The following ADAMTS8 variants were observed in gnomAD, a reference collection of about 807,000 sequenced individuals.
ADAMTS8 encodes ADAM metallopeptidase with thrombospondin type 1 motif 8.
A neutral mutation model predicts 64.4 loss-of-function variants in ADAMTS8; 50 were observed. That is an observed-to-expected ratio of 0.78 (90% CI 0.62 to 0.98). ADAMTS8 has a LOEUF of 0.98. Among genes scored for constraint, ADAMTS8 ranks in the 50% least tolerant of loss-of-function variants. The pLI is 0.00. For missense variants in ADAMTS8, 1,192 were observed against 1,208.2 expected (o/e 0.99, Z 0.20); for synonymous variants, 556 against 533.6 (o/e 1.04, Z -0.58).
chr11:130,408,945 A>G lies in ADAMTS8; in HGVS notation c.1751-5T>C, dbSNP rs1285399801. ...GCTGCTCCCTGAAGCTTTTCCCTAG[A>G]AAGAGGAAGAAACGGCATGGAGGTG... On this transcript the variant is annotated splice_region_variant and splice_polypyrimidine_tract_variant and intron_variant, in intron 6 of 8. Transcript: ENST00000257359. The G allele has an allele frequency of 5.9e-6, 9 of 1,522,290 alleles. No homozygotes were observed. Among genetic ancestry groups the G allele is most frequent in the Non-Finnish European group, 7.1e-6 (8 of 1,134,682 alleles). The allele number at this position is 1,522,290 out of a possible 1,614,324, so 94.3% of individuals were successfully genotyped here.
chr11:130,408,038 C>A (rs1185299654), intron 8 of ADAMTS8, among the ~76,000 whole-genome samples: 1 of 152,078 alleles, frequency 6.6e-6, no homozygotes, highest in Non-Finnish European at 1.5e-5. Flanking sequence ...CTCTGAAGAT[C>A]CATCTGCAGA....
intron 5 of ADAMTS8, among the ~76,000 whole-genome samples, chr11:130,412,370 C>T (rs6590457): frequency 0.044 from 6,631 of 152,116 alleles, 258 homozygotes; most frequent in African/African-American, 0.11. Flanking sequence ...CACACCTCCA[C>T]GCCTGGCTAA....
At chr11:130,418,611 G>T (rs891255798) in intron 2 of ADAMTS8, among the ~76,000 whole-genome samples, 1 of 152,228 alleles carries the variant, frequency 6.6e-6, no homozygotes. Context: ...ACACAGGATC[G>T]CTCTCTTGCT....
chr11:130,428,385 A>C lies in ADAMTS8; in HGVS notation c.-99T>G. On this transcript the variant is annotated 5_prime_UTR_variant, in exon 1 of 9. Coordinates refer to ENST00000257359, the MANE Select transcript of ADAMTS8 (RefSeq NM_007037.6). ...GCGCGGCCCGGCCGCTCTCTCCAGG[A>C]AAAGCGGAATCAATCGGGTGCAAGG... 1.7e-6 allele frequency: 2 copies of C among 1,191,072 alleles called. No homozygotes were observed. The highest frequency in any genetic ancestry group is 1.0e-6 in the Non-Finnish European group (1 of 953,628). The allele number at this position is 1,191,072 out of a possible 1,614,324, so 73.8% of individuals were successfully genotyped here. A position where few individuals can be genotyped will look rare whatever the true frequency, so the allele number is the denominator to read the frequency against.
At chr11:130,419,322 G>A (rs1352296406) in intron 1 of ADAMTS8, 30 bp from the exon 2 acceptor site, 3 of 1,613,134 alleles carry the variant, frequency 1.9e-6, no homozygotes, top group Non-Finnish European at 2.5e-6. Context: ...AAGAGGCGGA[G>A]TGAAGGGTTA....
rs1173799719 is a variant in ADAMTS8 at position 130,416,299 on chromosome 11, G to A, written c.1128C>T (p.Ser376=). 1.3e-6 allele frequency: 2 copies of A among 1,573,022 alleles called. No individual in the cohort carries two copies. Among genetic ancestry groups the A allele is most frequent in the East Asian group, 2.3e-5 (1 of 42,832 alleles). Residue 376 remains serine (S), a synonymous_variant, in exon 4 of 9, where the codon TCC becomes TCT. Coordinates refer to ENST00000257359, the MANE Select transcript of ADAMTS8 (RefSeq NM_007037.6). The surrounding 1 kb of genome is among the most constrained non-coding windows in gnomAD (Gnocchi z 4.8). ...GHVLSMPHDD[S]KPCTRLFGPM... is the part of the protein sequence containing the mutation. ...GCCCGAAGAGCCGTGTGCAGGGCTT[G>A]GAGTCGTCGTGGGGCATGCTGAGGA... is the stretch of plus-strand genomic sequence containing the variant.
At chr11:130,408,699 G>T (rs1363893598) in intron 7 of ADAMTS8, 60 bp from the exon 8 acceptor site, 59 of 1,611,132 alleles carry the variant, frequency 3.7e-5, no homozygotes, top group Non-Finnish European at 3.5e-5. Context: ...AGCCTGCCGG[G>T]GGGCGGGGGT....
At chr11:130,427,443 G>T in intron 1 of ADAMTS8, 124 bp downstream of exon 1, 1 of 1,103,546 alleles carries the variant, frequency 9.1e-7, no homozygotes, top group Non-Finnish European at 1.2e-6. Context: ...GAAGATGAGT[G>T]GGGAGGGCTT....
intron 5 of ADAMTS8, among the ~76,000 whole-genome samples, chr11:130,412,473 C>T (rs541073157): frequency 6.8e-4 from 104 of 152,280 alleles, no homozygotes; most frequent in African/African-American, 2.3e-3. Context: ...CTCGGCCTCC[C>T]AAAGTACTGG....
In ADAMTS8 at chr11:130,411,141, C is replaced by T. The variant is rs935127482; in HGVS notation, c.1750+276G>A. On this transcript the variant is annotated intron_variant, in intron 6 of 8. Coordinates refer to ENST00000257359, the MANE Select transcript of ADAMTS8 (RefSeq NM_007037.6). The surrounding 1 kb of genome is among the most constrained non-coding windows in gnomAD (Gnocchi z 4.2). ...TCCTCTCCACATCTTGGAAGATGAG[C>T]GTAATTTCTCTCCTTGACTTTGCCA... Among the ~76,000 whole-genome samples, 9 of 152,112 alleles carry T rather than the reference C, an allele frequency of 5.9e-5. No individual in the cohort carries two copies. The highest frequency in any genetic ancestry group is 9.7e-5 in the African/African-American group (4 of 41,412).
Position 130,411,895 on chromosome 11 carries a change from A to G in ADAMTS8, c.1567-295T>C, listed in dbSNP as rs556715715. ...CTGAATGAATGAATGACACCCTTTT[A>G]TGGGAATAAGGTTGCATATAATGCA... On this transcript the variant is annotated intron_variant, in intron 5 of 8. Coordinates refer to ENST00000257359, the MANE Select transcript of ADAMTS8 (RefSeq NM_007037.6). The surrounding 1 kb of genome is among the most constrained non-coding windows in gnomAD (Gnocchi z 4.2). 1.7e-5 allele frequency: 7 copies of G among 401,662 alleles called. No individual in the cohort carries two copies. The East Asian group carries it at 3.3e-4, about 19-fold the overall frequency. 24.9% of individuals were successfully genotyped at this position (401,662 alleles called of 1,614,324 possible).
chr11:130,405,858 G>C lies in ADAMTS8; in HGVS notation c.2370C>G (p.Leu790=). The C allele has an allele frequency of 6.2e-7, 1 of 1,614,072 alleles. No homozygotes were observed. Among genetic ancestry groups the C allele is most frequent in the Non-Finnish European group, 8.5e-7 (1 of 1,180,056 alleles). The part of the protein sequence containing the change: ...RPLPEPLTVQ[L]LTVPGEVFPP... Reference sequence around the variant, plus strand: ...GGAAGACCTCGCCAGGGACTGTCAGGAGCTGCACTGTCAGAGGCTCTGGCA... The same window carrying C: ...GGAAGACCTCGCCAGGGACTGTCAGCAGCTGCACTGTCAGAGGCTCTGGCA... Residue 790 remains leucine (L), a synonymous_variant, in exon 9 of 9, where the codon CTC becomes CTG. Transcript: ENST00000257359.
At chr11:130,426,459 C>T (rs1862168432) in intron 1 of ADAMTS8, among the ~76,000 whole-genome samples, 2 of 152,222 alleles carry the variant, frequency 1.3e-5, no homozygotes, top group African/African-American at 4.8e-5. Flanking sequence ...TTAGCTGCTG[C>T]ATTGCCAGGA....
Position 130,419,381 on chromosome 11 carries a change from A to T in ADAMTS8, c.721-89T>A, listed in dbSNP as rs550982467. 38 of 1,557,736 alleles carry T rather than the reference A, an allele frequency of 2.4e-5. No homozygotes were observed. The East Asian group carries it at 7.9e-4, about 32-fold the overall frequency. ...CTGTCCGCTGCCATCACCTCTTGTT[A>T]TGGGGCTGAGCATCAGATTCCTACC... On this transcript the variant is annotated intron_variant, in intron 1 of 8. Transcript: ENST00000257359.
chr11:130,416,031 C>G lies in ADAMTS8; in HGVS notation c.1264+132G>C. ...AGACTTCGGGGGTGGTGTGAATGCCCCAGCGTGGGAGGCTGGCCGGGGACT... is the reference window on the plus strand; with the variant it reads ...AGACTTCGGGGGTGGTGTGAATGCCGCAGCGTGGGAGGCTGGCCGGGGACT... On this transcript the variant is annotated intron_variant, in intron 4 of 8. Coordinates refer to ENST00000257359, the MANE Select transcript of ADAMTS8 (RefSeq NM_007037.6). The surrounding 1 kb of genome is among the most constrained non-coding windows in gnomAD (Gnocchi z 4.8). 1.8e-6 allele frequency: 2 copies of G among 1,112,040 alleles called. No individual in the cohort carries two copies. The highest frequency in any genetic ancestry group is 2.5e-6 in the Non-Finnish European group (2 of 809,578). The allele number at this position is 1,112,040 out of a possible 1,614,324, so 68.9% of individuals were successfully genotyped here. A position where few individuals can be genotyped will look rare whatever the true frequency, so the allele number is the denominator to read the frequency against.
In ADAMTS8 at chr11:130,404,934, T is replaced by C. The variant is rs903725399; in HGVS notation, c.*624A>G. ...ACCAGACCACTGCATTGGCATAAGA[T>C]CACACTTTAGTTCAGAGACACATTT... On this transcript the variant is annotated 3_prime_UTR_variant, in exon 9 of 9. Transcript: ENST00000257359. 9.3e-6 allele frequency: 9 copies of C among 966,246 alleles called. No homozygotes were observed. Among genetic ancestry groups the C allele is most frequent in the African/African-American group, 1.8e-5 (1 of 56,776 alleles). The allele number at this position is 966,246 out of a possible 1,614,324, so 59.9% of individuals were successfully genotyped here.
rs751492538 is a variant in ADAMTS8 at position 130,427,593 on chromosome 11, C to A, written c.694G>T (p.Ala232Ser). Residue 232 changes from alanine (A) to serine (S), a missense_variant, in exon 1 of 9, where the codon GCT becomes TCT. By Grantham distance (99) the Ala-to-Ser change is moderately conservative (BLOSUM62 1). Coordinates refer to ENST00000257359, the MANE Select transcript of ADAMTS8 (RefSeq NM_007037.6). ...ETLLVADASM[A>S]AFYGADLQNH... ...TGCAGGTCGGCCCCGTAGAAGGCAG[C>A]CATGGACGCATCGGCCACCAGCAGC... 11 of 1,541,920 alleles carry A rather than the reference C, an allele frequency of 7.1e-6. No homozygotes were observed. Among genetic ancestry groups the A allele is most frequent in the Non-Finnish European group, 9.6e-6 (11 of 1,147,528 alleles).
rs980572413 is a variant in ADAMTS8, at chr11:130,428,026, G to T, written c.261C>A (p.Ser87=). 3.9e-6 allele frequency: 6 copies of T among 1,526,720 alleles called. No individual in the cohort carries two copies. In the African/African-American group the frequency reaches 8.4e-5, roughly 21 times the overall value. 94.6% of individuals were successfully genotyped at this position (1,526,720 alleles called of 1,614,324 possible). A position where few individuals can be genotyped will look rare whatever the true frequency, so the allele number is the denominator to read the frequency against. Residue 87 remains serine, a synonymous_variant, in exon 1 of 9, where the codon TCC becomes TCA. Transcript: ENST00000257359. ...PEFKIERLGG[S]GRATGGERGL... ...CCCGCTCGCCCCCGGTCGCCCGGCC[G>T]GAGCCCCCGAGGCGCTCGATCTTGA...
At chr11:130,415,837 G>T (rs540789733) in intron 4 of ADAMTS8, among the ~76,000 whole-genome samples, 1 of 152,026 alleles carries the variant, frequency 6.6e-6, no homozygotes. Flanking sequence ...CCTCTGTCAC[G>T]CCTGAGCTGT....
Sources: allele counts gnomAD v4.1 joint callset (sites outside exome capture counted in the v4.1 genomes callset), GRCh38; gene constraint gnomAD v4.1.1; non-coding constraint Gnocchi (gnomAD v3.1); transcripts MANE v1.5; gene names NCBI Gene and HGNC (gene_info 2026-07-23, HGNC 2026-07-21).